Variants in FBN1 observed in about 807,000 individuals in gnomAD.
FBN1 encodes the protein fibrillin 1.
A neutral mutation model predicts 365.1 loss-of-function variants in FBN1; 29 were observed. That is an observed-to-expected ratio of 0.08 (90% CI 0.06 to 0.11). The LOEUF (loss-of-function observed/expected upper bound fraction) is 0.11, where lower values mean the gene tolerates loss of function less well. FBN1 is among the 10% of genes least tolerant of loss of function. The pLI, the probability that FBN1 is intolerant of heterozygous loss-of-function variation, is 1.00. For synonymous variants in FBN1, 1,210 were observed against 1,270.5 expected, an observed-to-expected ratio of 0.95 and a Z score of 1.01; for missense variants, 2,476 against 3,703.2, an observed-to-expected ratio of 0.67 and a Z score of 8.60.
At chr15:48,453,294 C>CA (rs60566317) in intron 44 of FBN1, among the ~76,000 whole-genome samples, 2,003 of 58,470 alleles carry the variant, frequency 0.034, 52 homozygotes, top group African/African-American at 0.073. Context: ...ATAAAACAAA[C>CA]AAAAAAAAAA....
intron 4 of FBN1, 83 bp downstream of exon 4, chr15:48,610,645 G>A (rs977229929): frequency 9.6e-7 from 1 of 1,045,664 alleles, no homozygotes; most frequent in African/African-American, 1.6e-5. Flanking sequence ...TTGCAGGAAA[G>A]AGGAAAGCCA....
At chr15:48,426,532 T>A (rs1430724667) in intron 58 of FBN1, among the ~76,000 whole-genome samples, 1 of 152,084 alleles carries the variant, frequency 6.6e-6, no homozygotes, top group Admixed American at 6.5e-5. Context: ...TGGGTCAATA[T>A]GCACTGTTGA....
In FBN1 at chr15:48,488,407, T is replaced by G. The variant is rs1446197737; in HGVS notation, c.3169A>C (p.Ser1057Arg). The G allele has an allele frequency of 6.2e-7, 1 of 1,614,216 alleles. No individual in the cohort carries two copies. ...TCTTCAGAATCAAGAGCAAAGCCGC[T>G]GTCACACCTGCACTTAAAGCTGCCA... ...TIGSFKCRCD[S>R]GFALDSEERN... The change falls in exon 26 of 66, where the codon AGC becomes CGC. Residue 1057 changes from serine to arginine, a missense_variant. By Grantham distance (110) the Ser-to-Arg change is moderately radical. Coordinates refer to ENST00000316623, the MANE Select transcript of FBN1 (RefSeq NM_000138.5).
At chr15:48,458,323 C>A (rs1812873) in intron 43 of FBN1, among the ~76,000 whole-genome samples, 100,594 of 151,834 alleles carry the variant, frequency 0.66, 34,466 homozygotes, top group Middle Eastern at 0.77. Context: ...ATTTTAGACC[C>A]TTTTTAAAAA....
chr15:48,589,611 T>C (rs1431295964), intron 6 of FBN1, among the ~76,000 whole-genome samples: 1 of 133,800 alleles, frequency 7.5e-6, no homozygotes, highest in Non-Finnish European at 1.6e-5. Context: ...GTTACTTTCT[T>C]TTTTTTTTTT....
rs1272869223 is a variant in FBN1, at chr15:48,474,627, C to T, written c.3988G>A (p.Ala1330Thr). The change falls in exon 33 of 66, where the codon GCA (alanine) becomes ACA (threonine). Residue 1330 changes from alanine to threonine, a missense_variant. Transcript: ENST00000316623. ...ACAGCATGTTTGCCACAGTTGTGTGCTCCAATTTCACATTCATTGATGTCT... is the reference window on the plus strand; with the variant it reads ...ACAGCATGTTTGCCACAGTTGTGTGTTCCAATTTCACATTCATTGATGTCT... The part of the protein sequence containing the change: ...CTDINECEIG[A>T]HNCGKHAVCT... The T allele has an allele frequency of 1.2e-6, 2 of 1,614,028 alleles. No individual in the cohort carries two copies. Among genetic ancestry groups the T allele is most frequent in the African/African-American group, 1.3e-5 (1 of 74,924 alleles).
intron 9 of FBN1, among the ~76,000 whole-genome samples, chr15:48,521,814 T>C (rs2043858155): frequency 6.6e-6 from 1 of 152,200 alleles, no homozygotes; most frequent in Admixed American, 6.5e-5. Context: ...AAATTAAATT[T>C]TGAAAAGCAA....
At chr15:48,575,729 C>G (rs115326307) in intron 6 of FBN1, among the ~76,000 whole-genome samples, 1,651 of 151,766 alleles carry the variant, frequency 0.011, 33 homozygotes, top group African/African-American at 0.039. Context: ...TATCACAGCA[C>G]TATTCCCAAA....
At chr15:48,623,908 A>G (rs1442506128) in intron 2 of FBN1, among the ~76,000 whole-genome samples, 1 of 151,912 alleles carries the variant, frequency 6.6e-6, no homozygotes, top group East Asian at 1.9e-4. Context: ...GCATGTACAC[A>G]TGCACCCTCC....
intron 2 of FBN1, among the ~76,000 whole-genome samples, chr15:48,614,083 G>A (rs2044677324): frequency 6.6e-6 from 1 of 152,092 alleles, no homozygotes; most frequent in Non-Finnish European, 1.5e-5. Flanking sequence ...ACAATTTCAG[G>A]GAGCAACTAA....
At position 48,513,618 on chromosome 15, in the gene FBN1, T is replaced by G; in HGVS notation, c.1519A>C (p.Asn507His). Residue 507 changes from asparagine to histidine, a missense_variant, in exon 13 of 66, where the codon AAC (asparagine) becomes CAC (histidine). By Grantham distance (68) the Asn-to-His change is moderately conservative. Transcript: ENST00000316623. ...CACTGACAGGTGTACGAACCCTGGTTGTTAATACACTCACCACCAGCACAG... is the reference window on the plus strand; with the variant it reads ...CACTGACAGGTGTACGAACCCTGGTGGTTAATACACTCACCACCAGCACAG... ...NPCAGGECIN[N>H]QGSYTCQCRA... 6.2e-7 allele frequency: 1 copy of G among 1,613,992 alleles called. No homozygotes were observed. The highest frequency in any genetic ancestry group is 1.1e-5 in the South Asian group (1 of 91,086).
At chr15:48,438,941 T>C (rs1298256165) in intron 50 of FBN1, among the ~76,000 whole-genome samples, 1 of 152,174 alleles carries the variant, frequency 6.6e-6, no homozygotes, top group Non-Finnish European at 1.5e-5. Context: ...TTAAAAGAAA[T>C]GCTTTCATAC....
Position 48,410,962 on chromosome 15 carries a change from T to C in FBN1, c.*28A>G, listed in dbSNP as rs749239153. The C allele has an allele frequency of 1.9e-6, 3 of 1,605,716 alleles. No homozygotes were observed. In the East Asian group the frequency reaches 6.7e-5, roughly 36 times the overall value. On this transcript the variant is annotated 3_prime_UTR_variant, in exon 66 of 66. Transcript: ENST00000316623. ...TCTACCTATCTATATTTGTTTTTCT[T>C]TTAATTATTTGGTCTCTGGATGGTG... is the stretch of plus-strand genomic sequence containing the variant.
chr15:48,448,941 A>G (rs375355435), intron 45 of FBN1, 48 bp from the exon 46 acceptor site: 86 of 1,494,120 alleles, frequency 5.8e-5, no homozygotes, highest in Non-Finnish European at 7.7e-5. Flanking sequence ...ACAAAATATA[A>G]TTGAATAACT....
intron 2 of FBN1, among the ~76,000 whole-genome samples, chr15:48,619,467 T>A (rs1167848516): frequency 6.6e-6 from 1 of 152,030 alleles, no homozygotes; most frequent in Non-Finnish European, 1.5e-5. Flanking sequence ...CTTCTCTCCC[T>A]CCCTTCCTCA....
chr15:48,508,142 T>A (rs2043726725), intron 15 of FBN1, among the ~76,000 whole-genome samples: 1 of 152,150 alleles, frequency 6.6e-6, no homozygotes, highest in South Asian at 2.1e-4. Context: ...GAGGAAATTA[T>A]GAGGAAGAGA....
intron 6 of FBN1, among the ~76,000 whole-genome samples, chr15:48,543,021 T>C (rs1050308258): frequency 3.9e-5 from 6 of 152,206 alleles, no homozygotes; most frequent in African/African-American, 1.4e-4. Context: ...ATCCTAATCA[T>C]GGCAAAATAC....
At position 48,415,736 on chromosome 15, in the gene FBN1, G is replaced by A. The variant is rs147019323; in HGVS notation, c.7851C>T (p.Cys2617=). Reference sequence around the variant, plus strand: ...GGGTGTTGTGACAGGAGGCTCCTCCGCAGATGTGAGCGCTGAGGCATTCGT... The same window carrying A: ...GGGTGTTGTGACAGGAGGCTCCTCCACAGATGTGAGCGCTGAGGCATTCGT... ...DENECLSAHI[C]GGASCHNTLG... Residue 2617 remains cysteine (C), a synonymous_variant, in exon 64 of 66, where the codon TGC becomes TGT. Coordinates refer to ENST00000316623, the MANE Select transcript of FBN1 (RefSeq NM_000138.5). 13 of 1,614,074 alleles carry A rather than the reference G, an allele frequency of 8.1e-6. No individual in the cohort carries two copies. The highest frequency in any genetic ancestry group is 6.7e-5 in the Admixed American group (4 of 60,008).
At chr15:48,445,561 C>T (rs1320857172) in intron 47 of FBN1, 57 bp from the exon 48 acceptor site, 6 of 1,582,956 alleles carry the variant, frequency 3.8e-6, no homozygotes, top group Non-Finnish European at 5.2e-6. Context: ...ATAATCCCAG[C>T]AATAATCAAA....
Sources: allele counts gnomAD v4.1 joint callset (sites outside exome capture counted in the v4.1 genomes callset), GRCh38; gene constraint gnomAD v4.1.1; transcripts MANE v1.5; gene names NCBI Gene and HGNC (gene_info 2026-07-23, HGNC 2026-07-21).